NUBPL: variants seen among roughly 807,000 people sequenced by gnomAD.
NUBPL encodes the protein iron-sulfur cluster transfer protein NUBPL.
A neutral mutation model predicts 45.7 loss-of-function variants in NUBPL; 31 were observed. The observed-to-expected ratio is 0.68, with a 90% CI of 0.51 to 0.92. The LOEUF (loss-of-function observed/expected upper bound fraction) is 0.92. Ranked by LOEUF, NUBPL falls within the 40% of genes least tolerant of loss-of-function variation. The probability of loss-of-function intolerance (pLI) is 0.00; values close to 1 mark genes in which losing one functional copy is unlikely to be tolerated. For missense variants in NUBPL, 401 were observed against 398.7 expected, an observed-to-expected ratio of 1.01 and a Z score of -0.05; for synonymous variants, 144 against 140.9, an observed-to-expected ratio of 1.02 and a Z score of -0.15.
intron 7 of NUBPL, among the ~76,000 whole-genome samples, chr14:31,793,359 A>G (rs1439558555): frequency 6.6e-6 from 1 of 152,174 alleles, no homozygotes; most frequent in African/African-American, 2.4e-5. Context: ...AAAGCTATTT[A>G]GCTCAAATGT....
chr14:31,810,842 G>A (rs181171764), intron 7 of NUBPL, among the ~76,000 whole-genome samples: 1 of 152,244 alleles, frequency 6.6e-6, no homozygotes, highest in African/African-American at 2.4e-5. Context: ...GCATTTGCTA[G>A]TCTGTAAAGG....
chr14:31,642,980 C>A (rs1346066471), intron 4 of NUBPL, among the ~76,000 whole-genome samples: 1 of 151,982 alleles, frequency 6.6e-6, no homozygotes, highest in South Asian at 2.1e-4. Flanking sequence ...TATATAAGTG[C>A]TACTGGTTTT....
intron 4 of NUBPL, among the ~76,000 whole-genome samples, chr14:31,610,422 T>A (rs1365325453): frequency 6.6e-6 from 1 of 151,652 alleles, no homozygotes; most frequent in Non-Finnish European, 1.5e-5. Context: ...AATGCTGTAA[T>A]AAAAAGTCTC....
intron 7 of NUBPL, among the ~76,000 whole-genome samples, chr14:31,818,872 G>A (rs1262729588): frequency 2.0e-5 from 3 of 152,072 alleles, no homozygotes; most frequent in Non-Finnish European, 4.4e-5. Context: ...TCTGTAGGAA[G>A]ATTTGTTTCT....
At chr14:31,710,425 C>T (rs1352759036) in intron 6 of NUBPL, among the ~76,000 whole-genome samples, 1 of 152,156 alleles carries the variant, frequency 6.6e-6, no homozygotes, top group Non-Finnish European at 1.5e-5. Context: ...ACCAACGCAG[C>T]AGCAGAAACA....
At chr14:31,637,472 G>A (rs1399356686) in intron 4 of NUBPL, among the ~76,000 whole-genome samples, 1 of 152,144 alleles carries the variant, frequency 6.6e-6, no homozygotes, top group Non-Finnish European at 1.5e-5. Context: ...TATAATTTCT[G>A]TTCTTTTACA....
intron 8 of NUBPL, among the ~76,000 whole-genome samples, chr14:31,841,538 C>G (rs2040368759): frequency 7.3e-6 from 1 of 136,690 alleles, no homozygotes; most frequent in South Asian, 2.7e-4. Flanking sequence ...AGTCCTTTGT[C>G]ATGTATGTGT....
At chr14:31,681,030 T>A (rs1453335911) in intron 6 of NUBPL, among the ~76,000 whole-genome samples, 7 of 152,144 alleles carry the variant, frequency 4.6e-5, no homozygotes, top group African/African-American at 1.7e-4. Flanking sequence ...TTTCTTGTAA[T>A]ATTTTTTTCA....
chr14:31,679,381 G>T (rs1177288785), intron 6 of NUBPL, among the ~76,000 whole-genome samples: 1 of 151,868 alleles, frequency 6.6e-6, no homozygotes, highest in Admixed American at 6.6e-5. Flanking sequence ...ATCTTGCTTT[G>T]CTGTCTCTCT....
chr14:31,802,833 CT>C (rs1448075773), intron 7 of NUBPL, among the ~76,000 whole-genome samples: 1 of 152,134 alleles, frequency 6.6e-6, no homozygotes, highest in African/African-American at 2.4e-5. Context: ...AGCCAGAGGT[CT>C]TTCTGTCTCT....
intron 4 of NUBPL, among the ~76,000 whole-genome samples, chr14:31,661,650 T>C (rs1009720084): frequency 6.6e-6 from 1 of 152,172 alleles, no homozygotes; most frequent in African/African-American, 2.4e-5. Context: ...CACACCACTC[T>C]CCTGCCTCAC....
intron 6 of NUBPL, among the ~76,000 whole-genome samples, chr14:31,751,513 T>G (rs2038529094): frequency 6.6e-6 from 1 of 152,240 alleles, no homozygotes; most frequent in African/African-American, 2.4e-5. Flanking sequence ...AAAATAATCT[T>G]TGACTCCATG....
chr14:31,571,641 G>T (rs1376619637), intron 3 of NUBPL, among the ~76,000 whole-genome samples: 1 of 151,964 alleles, frequency 6.6e-6, no homozygotes, highest in Non-Finnish European at 1.5e-5. Flanking sequence ...GTAGAGACGG[G>T]GTTTCATCAT....
intron 4 of NUBPL, among the ~76,000 whole-genome samples, chr14:31,635,679 G>A (rs1356805179): frequency 6.6e-6 from 1 of 151,692 alleles, no homozygotes; most frequent in Non-Finnish European, 1.5e-5. Context: ...ATTCCCTTGG[G>A]CAGTATGGCG....
intron 6 of NUBPL, among the ~76,000 whole-genome samples, chr14:31,688,373 T>G (rs937839581): frequency 6.6e-6 from 1 of 151,772 alleles, no homozygotes; most frequent in Non-Finnish European, 1.5e-5. Flanking sequence ...GTCAGGAGTT[T>G]GAGACCAGCC....
At chr14:31,622,314 A>G (rs760138554) in intron 4 of NUBPL, among the ~76,000 whole-genome samples, 37 of 152,194 alleles carry the variant, frequency 2.4e-4, no homozygotes, top group Non-Finnish European at 5.9e-5. Flanking sequence ...GAAGCAGAGC[A>G]TAAAAGTTTG....
rs1222325426 is a variant in NUBPL at position 31,594,262 on chromosome 14, GA to G, written c.292-5019del. ...GTGAAACCCTGTCCCTACAAAAAAC[GA>G]AAAAAAATTAGCTAGGCATGGTGGC... On this transcript the variant is annotated intron_variant, in intron 3 of 10. Coordinates refer to ENST00000281081, the MANE Select transcript of NUBPL (RefSeq NM_025152.3). 9.9e-5 allele frequency among the ~76,000 whole-genome samples: 15 copies of G among 151,666 alleles called. 1 individual carries two copies. In the South Asian group the frequency reaches 2.1e-3, roughly 21 times the overall value.
intron 4 of NUBPL, among the ~76,000 whole-genome samples, chr14:31,602,205 C>CA (rs1356460743): frequency 9.4e-5 from 14 of 149,514 alleles, no homozygotes; most frequent in Non-Finnish European, 7.4e-5. Flanking sequence ...CACATGGACA[C>CA]AGGAAGGGGA....
At chr14:31,712,861 G>A (rs112047328) in intron 6 of NUBPL, among the ~76,000 whole-genome samples, 1 of 152,192 alleles carries the variant, frequency 6.6e-6, no homozygotes, top group Non-Finnish European at 1.5e-5. Context: ...TAAAATTGGG[G>A]GTTTATTATA....
Sources: gnomAD v4.1 joint callset for allele counts (sites outside exome capture counted in the v4.1 genomes callset) on GRCh38, gnomAD v4.1.1 for gene constraint, MANE v1.5 for transcripts, NCBI Gene and HGNC (gene_info 2026-07-23, HGNC 2026-07-21) for gene names.